GCNT1: variants seen among roughly 807,000 people sequenced by gnomAD.
The protein encoded by GCNT1 is glucosaminyl (N-acetyl) transferase 1, also known as beta-1,3-galactosyl-O-glycosyl-glycoprotein beta-1,6-N-acetylglucosaminyltransferase.
GCNT1 carries 16 observed loss-of-function variants against 26.2 expected under a neutral mutation model. The ratio of observed to expected loss-of-function variants is 0.61; its 90% CI spans 0.41 to 0.93. The LOEUF is 0.93. Among genes scored for constraint, GCNT1 ranks in the 40% least tolerant of loss-of-function variants. GCNT1 has a pLI of 0.00. For synonymous variants in GCNT1, 183 were observed against 190.8 expected, an observed-to-expected ratio of 0.96 and a Z score of 0.34; for missense variants, 477 against 526.7, an observed-to-expected ratio of 0.91 and a Z score of 0.92.
chr9:76,399,130 C>T, the GCNT1 span: 1 of 1,531,590 alleles, frequency 6.5e-7, no homozygotes, highest in Non-Finnish European at 8.9e-7. Context: ...ACCTACCTAC[C>T]ATTGCTCTGT....
At chr9:76,421,176 G>A (rs1215378177) in intron 1 of GCNT1, among the ~76,000 whole-genome samples, 1 of 152,156 alleles carries the variant, frequency 6.6e-6, no homozygotes, top group Non-Finnish European at 1.5e-5. Context: ...TAATATGAAT[G>A]TGGAAATATA....
chr9:76,407,435 A>C, the GCNT1 span, among the ~76,000 whole-genome samples: 13 of 152,068 alleles, frequency 8.5e-5, no homozygotes, highest in Admixed American at 5.2e-4. Flanking sequence ...TTGGCTCTAT[A>C]TCTGCCTCTC....
At chr9:76,418,213 A>G (rs1327805759), upstream of GCNT1, among the ~76,000 whole-genome samples, 3 of 152,190 alleles carry the variant, frequency 2.0e-5, no homozygotes, top group East Asian at 3.8e-4. Flanking sequence ...TGAAAGAACT[A>G]CTATCAATAG....
At chr9:76,454,842 C>CTTTTTTTTTTTTTTTTTTTTTTTT (rs1183951605), upstream of GCNT1, among the ~76,000 whole-genome samples, 1 of 105,658 alleles carries the variant, frequency 9.5e-6, no homozygotes, top group Non-Finnish European at 1.8e-5. Flanking sequence ...CTTTTCTTTT[C>CTTTTTTTTTTTTTTTTTTTTTTTT]TTTTTTTTTT....
At chr9:76,492,382 G>A (rs1481904556) in intron 2 of GCNT1, among the ~76,000 whole-genome samples, 2 of 152,126 alleles carry the variant, frequency 1.3e-5, no homozygotes, top group East Asian at 1.9e-4. Context: ...TACAACTGAG[G>A]AGGTGGGAGA....
intron 2 of GCNT1, among the ~76,000 whole-genome samples, chr9:76,496,192 C>T (rs918419698): frequency 6.6e-6 from 1 of 152,228 alleles, no homozygotes; most frequent in Non-Finnish European, 1.5e-5. Context: ...GGGAGAGCCT[C>T]TGCAGAGACT....
At chr9:76,409,697 C>CACCAAGGT in the GCNT1 span, among the ~76,000 whole-genome samples, 7 of 152,236 alleles carry the variant, frequency 4.6e-5, no homozygotes, top group African/African-American at 1.7e-4. Flanking sequence ...CCACCTGCCT[C>CACCAAGGT]GACCTCCCAA....
In GCNT1 at chr9:76,503,314, G is replaced by A. The variant is rs1293908661; in HGVS notation, c.933G>A (p.Trp311Ter). The change falls in exon 4 of 4, where the codon TGG (tryptophan) becomes TGA (stop). Residue 311 changes from tryptophan (W) to a stop codon, truncating the protein, a stop_gained. Coordinates refer to ENST00000376730, the MANE Select transcript of GCNT1 (RefSeq NM_001490.5). LOFTEE classifies it high-confidence loss of function. The part of the protein sequence containing the change: ...QNEKIQKLME[W>*]AQDTYSPDEY... ...AAAAAATCCAAAAGTTGATGGAGTGGGCACAAGACACATACAGCCCTGATG... is the reference window on the plus strand; with the variant it reads ...AAAAAATCCAAAAGTTGATGGAGTGAGCACAAGACACATACAGCCCTGATG... 1.2e-6 allele frequency: 2 copies of A among 1,614,072 alleles called. No individual in the cohort carries two copies. Among genetic ancestry groups the A allele is most frequent in the East Asian group, 4.5e-5 (2 of 44,880 alleles).
rs528545188 is a variant in GCNT1, at chr9:76,421,384, G to A, written n.38+1497G>A. On this transcript the variant is annotated intron_variant and non_coding_transcript_variant, in intron 1 of 3. Transcript: ENST00000488136. ...GGAGGCCAAGTCGGGCAGATCACAC[G>A]AGGTCAGGAGTTTAAGACCAGCCTG... Among the ~76,000 whole-genome samples, 12 of 151,988 alleles carry A rather than the reference G, an allele frequency of 7.9e-5. No individual in the cohort carries two copies. The East Asian group carries it at 1.7e-3, about 22-fold the overall frequency.
intron 2 of GCNT1, among the ~76,000 whole-genome samples, chr9:76,497,823 G>C (rs192264257): frequency 1.3e-5 from 2 of 151,950 alleles, no homozygotes; most frequent in African/African-American, 4.8e-5. Context: ...GTTTACTTTG[G>C]TGAACTTTAT....
chr9:76,433,776 T>C (rs1372036590), intron 1 of GCNT1, among the ~76,000 whole-genome samples: 9 of 152,170 alleles, frequency 5.9e-5, no homozygotes, highest in Non-Finnish European at 1.3e-4. Context: ...AGAAAAATCC[T>C]GTGTCAGTAC....
the GCNT1 span, among the ~76,000 whole-genome samples, chr9:76,409,634 C>T: frequency 4.0e-5 from 6 of 151,858 alleles, no homozygotes; most frequent in South Asian, 2.1e-4. Context: ...TTAGTAGAGA[C>T]GGAGTTTCAC....
chr9:76,429,837 C>G (rs1470067911), intron 1 of GCNT1, among the ~76,000 whole-genome samples: 3 of 151,862 alleles, frequency 2.0e-5, no homozygotes, highest in Non-Finnish European at 4.4e-5. Context: ...GCCTCAGCCT[C>G]CTGAGTAGCT....
At chr9:76,413,653 G>GTTTTTTTTTTTTTT in the GCNT1 span, among the ~76,000 whole-genome samples, 5 of 118,662 alleles carry the variant, frequency 4.2e-5, no homozygotes, top group East Asian at 2.7e-4. Flanking sequence ...GTTTTGTTTT[G>GTTTTTTTTTTTTTT]TTTTTTTTTT....
upstream of GCNT1, among the ~76,000 whole-genome samples, chr9:76,440,983 T>C (rs1006503532): frequency 6.7e-6 from 1 of 148,866 alleles, no homozygotes; most frequent in Non-Finnish European, 1.5e-5. Flanking sequence ...AAAAATTGCT[T>C]GAACCCGGGA....
At chr9:76,401,069 C>G in the GCNT1 span, among the ~76,000 whole-genome samples, 1 of 152,156 alleles carries the variant, frequency 6.6e-6, no homozygotes, top group African/African-American at 2.4e-5. Context: ...AGTAAGCCTT[C>G]TGTATTGGCT....
chr9:76,439,083 A>C (rs907293240), upstream of GCNT1, among the ~76,000 whole-genome samples: 1 of 152,200 alleles, frequency 6.6e-6, no homozygotes, highest in Non-Finnish European at 1.5e-5. Context: ...TTTCTATGAG[A>C]GTGTTGTAAG....
At chr9:76,458,462 G>A (rs1323231229), upstream of GCNT1, among the ~76,000 whole-genome samples, 1 of 152,020 alleles carries the variant, frequency 6.6e-6, no homozygotes, top group Non-Finnish European at 1.5e-5. Flanking sequence ...GATTACAGGC[G>A]TGAGCCACCG....
the GCNT1 span, chr9:76,399,523 C>T: frequency 6.3e-7 from 1 of 1,585,134 alleles, no homozygotes; most frequent in Non-Finnish European, 8.6e-7. Flanking sequence ...CCACGGAAGA[C>T]TGGTCTGCAG....
Sources: gnomAD v4.1 joint callset for allele counts (sites outside exome capture counted in the v4.1 genomes callset) on GRCh38, gnomAD v4.1.1 for gene constraint, MANE v1.5 for transcripts, NCBI Gene and HGNC (gene_info 2026-07-23, HGNC 2026-07-21) for gene names.